Variants in VPS33B observed in about 807,000 individuals in gnomAD.
VPS33B encodes the protein VPS33B late endosome and lysosome associated.
VPS33B carries 80 observed loss-of-function variants against 95.3 expected under a neutral mutation model. The observed-to-expected ratio is 0.84, with a 90% CI of 0.70 to 1.01. The LOEUF (loss-of-function observed/expected upper bound fraction) is 1.01. Among genes scored for constraint, VPS33B ranks in the 50% least tolerant of loss-of-function variants. The pLI is 0.00. For missense variants in VPS33B, 715 were observed against 773.4 expected (o/e 0.92, Z 0.90); for synonymous variants, 280 against 280.4 (o/e 1.00, Z 0.01).
intron 16 of VPS33B, among the ~76,000 whole-genome samples, chr15:91,004,215 T>C (rs2040527962): frequency 7.1e-6 from 1 of 140,320 alleles, no homozygotes; most frequent in Non-Finnish European, 1.5e-5. Context: ...AGAGCAAGAC[T>C]CTGTCTTAAA....
chr15:91,006,391 A>AG lies in VPS33B; in HGVS notation c.832dup (p.Leu278ProfsTer10), dbSNP rs1442840881. 5.6e-6 allele frequency: 9 copies of AG among 1,614,132 alleles called. No homozygotes were observed. Among genetic ancestry groups the AG allele is most frequent in the Non-Finnish European group, 7.6e-6 (9 of 1,180,058 alleles). The stretch of plus-strand genomic sequence containing the variant: ...CCTCACCTTGTCCTCGGCATTGAGT[A>AG]GCACCTTCAGGCTCTTGTCAGAGGA... On this transcript the variant is annotated frameshift_variant, in exon 11 of 23. Transcript: ENST00000333371. LOFTEE classifies it high-confidence loss of function. This position sits in a 1 kb window ranked among gnomAD's most constrained non-coding sequence, Gnocchi z 5.4.
At position 91,011,171 on chromosome 15, in the gene VPS33B, T is replaced by G. The variant is rs1247483500; in HGVS notation, c.358-1325A>C. Among the ~76,000 whole-genome samples the G allele has an allele frequency of 6.6e-6, 1 of 152,168 alleles. No individual in the cohort carries two copies. The highest frequency in any genetic ancestry group is 2.4e-5 in the African/African-American group (1 of 41,446). On this transcript the variant is annotated intron_variant, in intron 5 of 22. Transcript: ENST00000333371. The surrounding 1 kb of genome is among the most constrained non-coding windows in gnomAD (Gnocchi z 5.5). ...GCCACGATCTCTTCCTCCTTTGAGG[T>G]AAGTGGGGAAAGGGTGAATATTTTA... is the stretch of plus-strand genomic sequence containing the variant.
At position 91,002,584 on chromosome 15, in the gene VPS33B, C is replaced by T. The variant is rs145229033; in HGVS notation, c.1273-402G>A. 0.03 allele frequency among the ~76,000 whole-genome samples: 4,463 copies of T among 149,948 alleles called. 228 individuals carry two copies. Among genetic ancestry groups the T allele is most frequent in the African/African-American group, 0.1 (4,171 of 40,658 alleles). On this transcript the variant is annotated intron_variant, in intron 17 of 22. Coordinates refer to ENST00000333371, the MANE Select transcript of VPS33B (RefSeq NM_018668.5). The surrounding 1 kb of genome is among the most constrained non-coding windows in gnomAD (Gnocchi z 4.7). ...GGCAGAGGCTGCAGTGAGTGGAGAT[C>T]GCGCCACTGCACTCTAGCTTGGGCA...
In VPS33B at chr15:91,000,653, T is replaced by TTAGGGAG; in HGVS notation, c.1480-63_1480-62insCTCCCTA. The TTAGGGAG allele has an allele frequency of 6.9e-7, 1 of 1,457,634 alleles. No individual in the cohort carries two copies. Among genetic ancestry groups the TTAGGGAG allele is most frequent in the Non-Finnish European group, 9.5e-7 (1 of 1,049,022 alleles). 90.3% of individuals were successfully genotyped at this position (1,457,634 alleles called of 1,614,324 possible). A position where few individuals can be genotyped will look rare whatever the true frequency, so the allele number is the denominator to read the frequency against. ...CTCAGCTCCCTAACCCTTTAAAGGG[T>TTAGGGAG]CAGATAAAGTGGCATGGCCCAAGGA... On this transcript the variant is annotated intron_variant, in intron 19 of 22. Coordinates refer to ENST00000333371, the MANE Select transcript of VPS33B (RefSeq NM_018668.5). This position sits in a 1 kb window ranked among gnomAD's most constrained non-coding sequence, Gnocchi z 4.9.
Position 91,004,172 on chromosome 15 carries a change from G to A in VPS33B, c.1225+705C>T, listed in dbSNP as rs1286317436. Among the ~76,000 whole-genome samples the A allele has an allele frequency of 4.0e-5, 6 of 151,044 alleles. No homozygotes were observed. The South Asian group carries it at 1.0e-3, about 26-fold the overall frequency. On this transcript the variant is annotated intron_variant, in intron 16 of 22. Coordinates refer to ENST00000333371, the MANE Select transcript of VPS33B (RefSeq NM_018668.5). The stretch of plus-strand genomic sequence containing the variant: ...TGGGAGGTGGAGGTTGCAGTGAGCC[G>A]AGATCGTGCCATTGCACTCCAGCCT...
In VPS33B at chr15:91,008,080, T is replaced by G. The variant is rs1341707386; in HGVS notation, c.404-116A>C. 3 of 885,376 alleles carry G rather than the reference T, an allele frequency of 3.4e-6. No homozygotes were observed. The African/African-American group carries it at 4.9e-5, about 15-fold the overall frequency. 54.8% of individuals were successfully genotyped at this position (885,376 alleles called of 1,614,324 possible). On this transcript the variant is annotated intron_variant, in intron 6 of 22. Coordinates refer to ENST00000333371, the MANE Select transcript of VPS33B (RefSeq NM_018668.5). ...AACAAATATATGAGTGCCTGCCACA[T>G]GCCAGTACTGCATTAAGCAATGGAG...
Position 91,002,300 on chromosome 15 carries a change from C to A in VPS33B, c.1273-118G>T. On this transcript the variant is annotated intron_variant, in intron 17 of 22. Coordinates refer to ENST00000333371, the MANE Select transcript of VPS33B (RefSeq NM_018668.5). This position sits in a 1 kb window ranked among gnomAD's most constrained non-coding sequence, Gnocchi z 4.7. Reference sequence around the variant, plus strand: ...CTCTGCTGCAGTGTGAAGGAGCTCACACTTTGTTGAGATAAATTTTCACAT... The same window carrying A: ...CTCTGCTGCAGTGTGAAGGAGCTCAAACTTTGTTGAGATAAATTTTCACAT... 7.0e-7 allele frequency: 1 copy of A among 1,423,410 alleles called. No homozygotes were observed. 88.2% of individuals were successfully genotyped at this position (1,423,410 alleles called of 1,614,324 possible). A position where few individuals can be genotyped will look rare whatever the true frequency, so the allele number is the denominator to read the frequency against.
rs35501255 is a variant in VPS33B at position 91,009,292 on chromosome 15, T to TTCTCTC, written c.403+503_403+508dup. On this transcript the variant is annotated intron_variant, in intron 6 of 22. Transcript: ENST00000333371. This position sits in a 1 kb window ranked among gnomAD's most constrained non-coding sequence, Gnocchi z 4.1. ...CTTTCTCTCTTTTCTTTTATTTTCTTTCTCTCTCTCTTTCTTTCTTCCTTC... is the reference window on the plus strand; with the variant it reads ...CTTTCTCTCTTTTCTTTTATTTTCTTTCTCTCTCTCTCTCTCTTTCTTTCTTCCTTC... Among the ~76,000 whole-genome samples the TTCTCTC allele has an allele frequency of 1.8e-5, 2 of 109,572 alleles. No individual in the cohort carries two copies. The highest frequency in any genetic ancestry group is 5.8e-4 in the South Asian group (2 of 3,444). The allele number at this position is 109,572 out of a possible 152,430, so 71.9% of individuals were successfully genotyped here. A position where few individuals can be genotyped will look rare whatever the true frequency, so the allele number is the denominator to read the frequency against.
intron 2 of VPS33B, among the ~76,000 whole-genome samples, chr15:91,017,365 T>TTA (rs1555460460): frequency 0.036 from 614 of 16,930 alleles, 109 homozygotes; most frequent in East Asian, 0.18. Context: ...TCTACAAAAT[T>TTA]AAATATATAT....
In VPS33B at chr15:91,000,576, C is replaced by T. The variant is rs750896440; in HGVS notation, c.1495G>A (p.Gly499Ser). The change falls in exon 20 of 23, where the codon GGC (glycine) becomes AGC (serine). Residue 499 changes from glycine to serine, a missense_variant. Gly to Ser is a moderately conservative substitution (Grantham distance 56). Transcript: ENST00000333371. This position sits in a 1 kb window ranked among gnomAD's most constrained non-coding sequence, Gnocchi z 4.9. Reference sequence around the variant, plus strand: ...CGGGGCACTTTCAGATCATACTCGCCGTCCACACGTGGGATCTGTAAGACA... The same window carrying T: ...CGGGGCACTTTCAGATCATACTCGCTGTCCACACGTGGGATCTGTAAGACA... ...KKLNLIPRVD[G>S]EYDLKVPRDM... is the part of the protein sequence containing the mutation. 2.4e-5 allele frequency: 38 copies of T among 1,612,356 alleles called. 1 individual carries two copies. The highest frequency in any genetic ancestry group is 2.2e-4 in the South Asian group (20 of 91,032).
Position 90,999,579 on chromosome 15 carries a change from A to C in VPS33B, c.1774+98T>G, listed in dbSNP as rs1302952546. 1.5e-6 allele frequency: 2 copies of C among 1,318,282 alleles called. No homozygotes were observed. Among genetic ancestry groups the C allele is most frequent in the South Asian group, 2.4e-5 (2 of 84,448 alleles). 81.7% of individuals were successfully genotyped at this position (1,318,282 alleles called of 1,614,324 possible). A position where few individuals can be genotyped will look rare whatever the true frequency, so the allele number is the denominator to read the frequency against. On this transcript the variant is annotated intron_variant, in intron 22 of 22. Coordinates refer to ENST00000333371, the MANE Select transcript of VPS33B (RefSeq NM_018668.5). The surrounding 1 kb of genome is among the most constrained non-coding windows in gnomAD (Gnocchi z 5.1). Reference sequence around the variant, plus strand: ...GGTGATCTGCCCGCCTCCGCCTCCCAAAGTGCTGAGATTACAGGTATGAAC... The same window carrying C: ...GGTGATCTGCCCGCCTCCGCCTCCCCAAGTGCTGAGATTACAGGTATGAAC...
rs2040415288 is a variant in VPS33B at position 91,000,837 on chromosome 15, C to G, written c.1480-246G>C. ...TAAAGGGGCTGGAGGGATGGCTTCT[C>G]CTTTCCCTACCCTTAAGTGACACAG... On this transcript the variant is annotated intron_variant, in intron 19 of 22. Coordinates refer to ENST00000333371, the MANE Select transcript of VPS33B (RefSeq NM_018668.5). The surrounding 1 kb of genome is among the most constrained non-coding windows in gnomAD (Gnocchi z 4.9). 2 of 487,944 alleles carry G rather than the reference C, an allele frequency of 4.1e-6. No homozygotes were observed. The highest frequency in any genetic ancestry group is 3.2e-5 in the Admixed American group (1 of 31,096). The allele number at this position is 487,944 out of a possible 1,614,324, so 30.2% of individuals were successfully genotyped here.
At position 91,002,210 on chromosome 15, in the gene VPS33B, C is replaced by T. The variant is rs2040459286; in HGVS notation, c.1273-28G>A. The T allele has an allele frequency of 6.2e-7, 1 of 1,613,546 alleles. No individual in the cohort carries two copies. The highest frequency in any genetic ancestry group is 8.5e-7 in the Non-Finnish European group (1 of 1,179,846). ...GAAGAAGATGCAATTAGACTATTTA[C>T]TGAGTGTCCAAAGAGCATCTAGTAC... On this transcript the variant is annotated intron_variant, in intron 17 of 22. Coordinates refer to ENST00000333371, the MANE Select transcript of VPS33B (RefSeq NM_018668.5). The surrounding 1 kb of genome is among the most constrained non-coding windows in gnomAD (Gnocchi z 4.7).
chr15:91,003,293 T>C lies in VPS33B; in HGVS notation c.1226-162A>G, dbSNP rs1005736129. 5.3e-5 allele frequency among the ~76,000 whole-genome samples: 8 copies of C among 152,122 alleles called. No individual in the cohort carries two copies. In the South Asian group the frequency reaches 1.0e-3, roughly 20 times the overall value. Reference sequence around the variant, plus strand: ...TTGGTTCTAAATTTAAGCTTGCTTATTGAAAGATAAAGCCTTGGTCTGGGA... The same window carrying C: ...TTGGTTCTAAATTTAAGCTTGCTTACTGAAAGATAAAGCCTTGGTCTGGGA... On this transcript the variant is annotated intron_variant, in intron 16 of 22. Transcript: ENST00000333371.
intron 3 of VPS33B, 68 bp downstream of exon 3, chr15:91,016,895 G>A: frequency 6.8e-7 from 1 of 1,476,146 alleles, no homozygotes; most frequent in Non-Finnish European, 9.5e-7. Flanking sequence ...AAGGACAGAT[G>A]AAAGGCAGAC....
At chr15:91,001,486 T>G (rs770840773) in intron 18 of VPS33B, 24 bp from the exon 19 acceptor site, 1 of 1,605,554 alleles carries the variant, frequency 6.2e-7, no homozygotes, top group African/African-American at 1.3e-5. Context: ...CTGTGTCAGG[T>G]TTCACCTAAG....
At position 91,009,730 on chromosome 15, in the gene VPS33B, T is replaced by C. The variant is rs567840708; in HGVS notation, c.403+71A>G. On this transcript the variant is annotated intron_variant, in intron 6 of 22. Coordinates refer to ENST00000333371, the MANE Select transcript of VPS33B (RefSeq NM_018668.5). This position sits in a 1 kb window ranked among gnomAD's most constrained non-coding sequence, Gnocchi z 4.1. ...TGGTGGTGGGGGTGGGGTGGGGGGG[T>C]TGGAGAACAACAACAGTTTTTTCTT... 12 of 1,500,166 alleles carry C rather than the reference T, an allele frequency of 8.0e-6. No homozygotes were observed. In the East Asian group the frequency reaches 1.8e-4, roughly 22 times the overall value. 92.9% of individuals were successfully genotyped at this position (1,500,166 alleles called of 1,614,324 possible). A position where few individuals can be genotyped will look rare whatever the true frequency, so the allele number is the denominator to read the frequency against.
intron 6 of VPS33B, among the ~76,000 whole-genome samples, chr15:91,008,963 A>T (rs556884850): frequency 3.3e-5 from 5 of 152,298 alleles, no homozygotes; most frequent in Admixed American, 2.0e-4. Flanking sequence ...AGAAGGAAGC[A>T]GCACACGATG....
intron 18 of VPS33B, 108 bp from the exon 19 acceptor site, chr15:91,001,570 T>C: frequency 1.1e-6 from 1 of 909,548 alleles, no homozygotes. Flanking sequence ...CCAAAAACTC[T>C]CGGAAGCTGT....
Sources: gnomAD v4.1 joint callset for allele counts (sites outside exome capture counted in the v4.1 genomes callset) on GRCh38, gnomAD v4.1.1 for gene constraint, Gnocchi (gnomAD v3.1) non-coding constraint, MANE v1.5 for transcripts, NCBI Gene and HGNC (gene_info 2026-07-23, HGNC 2026-07-21) for gene names.